PDE10A: variants seen among roughly 807,000 people sequenced by gnomAD.
The protein encoded by PDE10A is phosphodiesterase 10A.
A neutral mutation model predicts 97.7 loss-of-function variants in PDE10A; 39 were observed. The observed-to-expected ratio is 0.40, with a 90% CI of 0.31 to 0.52. The LOEUF (loss-of-function observed/expected upper bound fraction) is 0.52. PDE10A is among the 20% of genes least tolerant of loss of function. The pLI, the probability that PDE10A is intolerant of heterozygous loss-of-function variation, is 0.56. For missense variants in PDE10A, 731 were observed against 1,047.8 expected (o/e 0.70, Z 4.17); for synonymous variants, 371 against 376.8 (o/e 0.98, Z 0.18).
intron 1 of PDE10A, among the ~76,000 whole-genome samples, chr6:165,613,906 C>T (rs1410331969): frequency 2.6e-5 from 4 of 152,130 alleles, no homozygotes; most frequent in African/African-American, 7.2e-5. Flanking sequence ...ACATCTCCCT[C>T]CCGAAACCAG....
At chr6:165,943,209 A>G (rs951965853) in intron 1 of PDE10A, among the ~76,000 whole-genome samples, 3 of 87,724 alleles carry the variant, frequency 3.4e-5, no homozygotes, top group African/African-American at 1.1e-4. Flanking sequence ...GAAAGAAAGA[A>G]AGAAAGAAAG....
chr6:165,807,931 A>G (rs2128466772), intron 1 of PDE10A, among the ~76,000 whole-genome samples: 1 of 152,338 alleles, frequency 6.6e-6, no homozygotes, highest in Admixed American at 6.5e-5. Flanking sequence ...TAGTGTGTGG[A>G]CAACTGAGAA....
chr6:165,396,499 A>G, intron 13 of PDE10A, 40 bp from the exon 14 acceptor site: 1 of 1,568,304 alleles, frequency 6.4e-7, no homozygotes, highest in Non-Finnish European at 8.6e-7. Context: ...CAAAATTAAA[A>G]GAATATTTAA....
chr6:165,408,958 G>A (rs973973516), intron 13 of PDE10A, among the ~76,000 whole-genome samples: 1 of 151,612 alleles, frequency 6.6e-6, no homozygotes, highest in African/African-American at 2.4e-5. Context: ...GAGGTCAGGA[G>A]ATCGAGACCA....
chr6:165,752,375 C>G (rs59751101), intron 1 of PDE10A, among the ~76,000 whole-genome samples: 13,119 of 152,142 alleles, frequency 0.086, 1,341 homozygotes, highest in African/African-American at 0.24. Context: ...TCAAAGTGAG[C>G]GAGCTGGCCT....
At chr6:165,369,663 T>C (rs1284770354) in intron 18 of PDE10A, among the ~76,000 whole-genome samples, 3 of 141,650 alleles carry the variant, frequency 2.1e-5, no homozygotes, top group East Asian at 2.0e-4. Flanking sequence ...TGCAGGATAT[T>C]ATCCAGGAGA....
chr6:165,426,940 C>A (rs57721414), intron 10 of PDE10A, among the ~76,000 whole-genome samples: 3 of 152,042 alleles, frequency 2.0e-5, no homozygotes, highest in Non-Finnish European at 4.4e-5. Context: ...TTTACACCCA[C>A]TATAATGAAA....
intron 21 of PDE10A, among the ~76,000 whole-genome samples, chr6:165,334,624 T>C (rs908451334): frequency 6.6e-6 from 1 of 152,160 alleles, no homozygotes; most frequent in African/African-American, 2.4e-5. Flanking sequence ...TTCTCTTTAA[T>C]TTTGCACACA....
intron 1 of PDE10A, among the ~76,000 whole-genome samples, chr6:165,698,380 C>T (rs1791489632): frequency 6.6e-6 from 1 of 152,020 alleles, no homozygotes; most frequent in Non-Finnish European, 1.5e-5. Context: ...AAGGCTAACA[C>T]ATAAGAAAAG....
chr6:165,819,952 CTGT>C lies in PDE10A; in HGVS notation c.-615+167574_-615+167576del, dbSNP rs1489936593. ...ACACAAGGGCACTATTTTTCAAAAT[CTGT>C]TGTTAAACTCCTTAAACTCAAGTTA... is the stretch of plus-strand genomic sequence containing the variant. On this transcript the variant is annotated intron_variant, in intron 1 of 19. Transcript: ENST00000366882. The surrounding 1 kb of genome is among the most constrained non-coding windows in gnomAD (Gnocchi z 4.2). Among the ~76,000 whole-genome samples the C allele has an allele frequency of 7.2e-5, 11 of 152,146 alleles. No homozygotes were observed. In the East Asian group the frequency reaches 2.1e-3, roughly 29 times the overall value.
chr6:165,464,174 C>T (rs187973558), intron 3 of PDE10A, among the ~76,000 whole-genome samples: 6 of 152,156 alleles, frequency 3.9e-5, no homozygotes, highest in Admixed American at 1.3e-4. Context: ...GAGCTGGTCT[C>T]GGCATATACA....
intron 1 of PDE10A, among the ~76,000 whole-genome samples, chr6:165,851,895 A>ATGCTG: frequency 6.6e-6 from 1 of 152,306 alleles, no homozygotes; most frequent in African/African-American, 2.4e-5. Context: ...GTTCAAGACC[A>ATGCTG]ACTTGGGCAA....
At chr6:165,493,265 G>A (rs1314741533) in intron 2 of PDE10A, among the ~76,000 whole-genome samples, 2 of 152,044 alleles carry the variant, frequency 1.3e-5, no homozygotes, top group Non-Finnish European at 2.9e-5. Flanking sequence ...ACTGCCAAAA[G>A]TAATCTACAA....
intron 13 of PDE10A, among the ~76,000 whole-genome samples, chr6:165,401,373 C>G (rs757072017): frequency 6.6e-6 from 1 of 152,304 alleles, no homozygotes; most frequent in Middle Eastern, 3.4e-3. Context: ...GTTAATGTCA[C>G]TGGCAACTTG....
chr6:165,924,853 G>A (rs940464136), intron 1 of PDE10A, among the ~76,000 whole-genome samples: 7 of 152,096 alleles, frequency 4.6e-5, no homozygotes, highest in Admixed American at 4.6e-4. Context: ...TGGGACCTAG[G>A]GCCAGGCACA....
chr6:165,979,167 A>G (rs1784933958), intron 1 of PDE10A, among the ~76,000 whole-genome samples: 1 of 152,184 alleles, frequency 6.6e-6, no homozygotes, highest in South Asian at 2.1e-4. Context: ...AAGCAGGGAT[A>G]CAGGCTTGGG....
intron 1 of PDE10A, among the ~76,000 whole-genome samples, chr6:165,755,046 G>T (rs537012510): frequency 6.6e-6 from 1 of 152,094 alleles, no homozygotes; most frequent in Non-Finnish European, 1.5e-5. Context: ...AAAGCCTCAA[G>T]TATTAAAATA....
intron 2 of PDE10A, among the ~76,000 whole-genome samples, chr6:165,536,200 G>GAAC (rs1278700415): frequency 1.6e-4 from 25 of 151,986 alleles, no homozygotes; most frequent in Admixed American, 4.6e-4. Context: ...AGGACGCCAA[G>GAAC]AACATACAAT....
chr6:165,432,012 A>G (rs1437326045), intron 7 of PDE10A, among the ~76,000 whole-genome samples: 1 of 152,168 alleles, frequency 6.6e-6, no homozygotes, highest in Non-Finnish European at 1.5e-5. Context: ...AGTTCCTCAA[A>G]ATTACTAGCT....
Sources: allele counts gnomAD v4.1 joint callset (sites outside exome capture counted in the v4.1 genomes callset), GRCh38; gene constraint gnomAD v4.1.1; non-coding constraint Gnocchi (gnomAD v3.1); transcripts MANE v1.5; gene names NCBI Gene and HGNC (gene_info 2026-07-23, HGNC 2026-07-21).